The following SORT1 variants were observed in gnomAD, a reference collection of about 807,000 sequenced individuals.
The protein encoded by SORT1 is sortilin.
SORT1 carries 39 observed loss-of-function variants against 101.7 expected under a neutral mutation model. The ratio of observed to expected loss-of-function variants is 0.38; its 90% CI spans 0.30 to 0.50. The LOEUF (loss-of-function observed/expected upper bound fraction) is 0.50. SORT1 is among the 20% of genes least tolerant of loss of function. The pLI is 0.90. For synonymous variants in SORT1, 396 were observed against 393.7 expected, an observed-to-expected ratio of 1.01 and a Z score of -0.07; for missense variants, 878 against 1,040.4, an observed-to-expected ratio of 0.84 and a Z score of 2.15.
At chr1:109,392,994 A>C in intron 1 of SORT1, 1 of 985,484 alleles carries the variant, frequency 1.0e-6, no homozygotes, top group South Asian at 4.7e-5. Flanking sequence ...GAAATGAGGC[A>C]GTTAGGAAGT....
At chr1:109,319,896 T>G (rs1647507991) in intron 15 of SORT1, among the ~76,000 whole-genome samples, 1 of 149,120 alleles carries the variant, frequency 6.7e-6, no homozygotes, top group South Asian at 2.1e-4. Flanking sequence ...GAAAAGAAAA[T>G]GAGTGTCTGC....
chr1:109,378,643 T>C (rs559854309), intron 1 of SORT1, among the ~76,000 whole-genome samples: 15 of 139,562 alleles, frequency 1.1e-4, no homozygotes, highest in African/African-American at 4.0e-4. Context: ...TAATGAATCA[T>C]ATAAAAACAT....
intron 3 of SORT1, among the ~76,000 whole-genome samples, chr1:109,358,674 T>C (rs2101611106): frequency 6.6e-6 from 1 of 152,094 alleles, no homozygotes; most frequent in African/African-American, 2.4e-5. Context: ...GCCAAGATGG[T>C]GAAACCCTGT....
intron 1 of SORT1, among the ~76,000 whole-genome samples, chr1:109,379,130 G>T (rs1023032123): frequency 1.3e-5 from 2 of 149,626 alleles, no homozygotes; most frequent in Non-Finnish European, 3.0e-5. Context: ...GTGACAAAGT[G>T]AAACGCCGTC....
intron 18 of SORT1, 93 bp downstream of exon 18, chr1:109,314,579 C>A: frequency 9.1e-7 from 1 of 1,100,442 alleles, no homozygotes; most frequent in Non-Finnish European, 1.3e-6. Flanking sequence ...ACTGCAAGTA[C>A]CTAGTTTTTG....
intron 1 of SORT1, among the ~76,000 whole-genome samples, chr1:109,396,501 C>T (rs1368567593): frequency 1.3e-5 from 2 of 152,198 alleles, no homozygotes; most frequent in African/African-American, 4.8e-5. Flanking sequence ...TCGGGATACA[C>T]TAAGCACAAT....
intron 2 of SORT1, among the ~76,000 whole-genome samples, chr1:109,367,853 T>G (rs925688197): frequency 2.6e-5 from 4 of 152,234 alleles, no homozygotes; most frequent in African/African-American, 9.6e-5. Context: ...CACTGTGTCA[T>G]GTATGTCTGT....
rs777576499 is a variant in SORT1, at chr1:109,316,877, T to C, written c.2223A>G (p.Thr741=). ...GTTTTTCCGGACTCAAAAAGTTGCTTGTGCATTTCTTTTTCAAGTCTTTTA... is the reference window on the plus strand; with the variant it reads ...GTTTTTCCGGACTCAAAAAGTTGCTCGTGCATTTCTTTTTCAAGTCTTTTA... ...REVKDLKKKC[T]SNFLSPEKQN... Residue 741 remains threonine, a synonymous_variant, in exon 17 of 20, where the codon ACA becomes ACG. Coordinates refer to ENST00000256637, the MANE Select transcript of SORT1 (RefSeq NM_002959.7). 1 of 1,611,322 alleles carries C rather than the reference T, an allele frequency of 6.2e-7. No individual in the cohort carries two copies. Among genetic ancestry groups the C allele is most frequent in the South Asian group, 1.1e-5 (1 of 90,408 alleles).
intron 1 of SORT1, among the ~76,000 whole-genome samples, chr1:109,385,930 C>G (rs879343679): frequency 6.6e-6 from 1 of 152,172 alleles, no homozygotes; most frequent in Admixed American, 6.5e-5. Flanking sequence ...AAAGTTCCAT[C>G]AAGGCAGAGG....
At chr1:109,317,269 T>C (rs947344284) in intron 16 of SORT1, among the ~76,000 whole-genome samples, 1 of 152,070 alleles carries the variant, frequency 6.6e-6, no homozygotes, top group Non-Finnish European at 1.5e-5. Context: ...AGAGGGGAAG[T>C]TATCAGGGGA....
At chr1:109,319,538 C>A (rs535983976) in intron 15 of SORT1, among the ~76,000 whole-genome samples, 2 of 152,126 alleles carry the variant, frequency 1.3e-5, no homozygotes, top group Admixed American at 1.3e-4. Context: ...TTTTCTTCCA[C>A]GCATTTTGGC....
chr1:109,346,617 C>T (rs1236084270), intron 7 of SORT1, among the ~76,000 whole-genome samples: 6 of 151,646 alleles, frequency 4.0e-5, no homozygotes, highest in South Asian at 2.1e-4. Context: ...TGGTGACAGG[C>T]GTCTGTAGTC....
chr1:109,397,912 C>A lies in SORT1; in HGVS notation c.-20G>T. ...CTCCATCGCCGCCGAATGCCGCCGA[C>A]GCCGACACCTGCCGCCCGGCGCGCC... On this transcript the variant is annotated 5_prime_UTR_variant, in exon 1 of 20. Transcript: ENST00000256637. 1 of 1,142,910 alleles carries A rather than the reference C, an allele frequency of 8.7e-7. No individual in the cohort carries two copies. The allele number at this position is 1,142,910 out of a possible 1,614,324, so 70.8% of individuals were successfully genotyped here. A position where few individuals can be genotyped will look rare whatever the true frequency, so the allele number is the denominator to read the frequency against.
rs1557774440 is a variant in SORT1 at position 109,313,801 on chromosome 1, TAAG to T, written c.*239_*241del. The T allele has an allele frequency of 1.9e-6, 1 of 536,092 alleles. No individual in the cohort carries two copies. The highest frequency in any genetic ancestry group is 3.3e-6 in the Non-Finnish European group (1 of 305,510). The allele number at this position is 536,092 out of a possible 1,614,324, so 33.2% of individuals were successfully genotyped here. A position where few individuals can be genotyped will look rare whatever the true frequency, so the allele number is the denominator to read the frequency against. ...CTTTGCAAAGAGACAGGACGAGAAA[TAAG>T]AAGTTAAAGAATTTAAAATGTCTCC... On this transcript the variant is annotated 3_prime_UTR_variant, in exon 20 of 20. Coordinates refer to ENST00000256637, the MANE Select transcript of SORT1 (RefSeq NM_002959.7).
intron 11 of SORT1, among the ~76,000 whole-genome samples, chr1:109,334,260 C>T (rs1648660331): frequency 6.6e-6 from 1 of 152,208 alleles, no homozygotes. Context: ...GCTCCCATGT[C>T]CACTGCAGTA....
chr1:109,369,139 G>A (rs1359801596), intron 2 of SORT1, among the ~76,000 whole-genome samples: 1 of 152,142 alleles, frequency 6.6e-6, no homozygotes, highest in Non-Finnish European at 1.5e-5. Flanking sequence ...TGGCCAACAT[G>A]GTGAAACCTC....
chr1:109,332,555 C>G (rs920016357), intron 11 of SORT1, among the ~76,000 whole-genome samples: 3 of 152,046 alleles, frequency 2.0e-5, no homozygotes, highest in Non-Finnish European at 4.4e-5. Flanking sequence ...GGGTGACAGA[C>G]TAAGACTTTG....
intron 3 of SORT1, among the ~76,000 whole-genome samples, chr1:109,361,336 T>C (rs1557810378): frequency 6.6e-6 from 1 of 152,228 alleles, no homozygotes; most frequent in Non-Finnish European, 1.5e-5. Flanking sequence ...CAAGGATTGC[T>C]TTTTCTCTAC....
At chr1:109,377,301 T>C (rs1290281132) in intron 1 of SORT1, among the ~76,000 whole-genome samples, 2 of 152,238 alleles carry the variant, frequency 1.3e-5, no homozygotes, top group Non-Finnish European at 2.9e-5. Flanking sequence ...TTATATTTAT[T>C]AGATGCTCCA....
Sources: gnomAD v4.1 joint callset for allele counts (sites outside exome capture counted in the v4.1 genomes callset) on GRCh38, gnomAD v4.1.1 for gene constraint, MANE v1.5 for transcripts, NCBI Gene and HGNC (gene_info 2026-07-23, HGNC 2026-07-21) for gene names.